TMEM178B: variants seen among roughly 807,000 people sequenced by gnomAD.
TMEM178B encodes the protein transmembrane protein 178B.
In TMEM178B, 5 loss-of-function variants were observed where a neutral mutation model predicts 31.0. The ratio of observed to expected loss-of-function variants is 0.16; its 90% CI spans 0.08 to 0.34. The LOEUF (loss-of-function observed/expected upper bound fraction) is 0.34, where lower values mean the gene tolerates loss of function less well. Ranked by LOEUF, TMEM178B falls within the 10% of genes least tolerant of loss-of-function variation. TMEM178B has a pLI of 1.00. For synonymous variants in TMEM178B, 164 were observed against 164.0 expected (o/e 1.00, Z 0.00); for missense variants, 275 against 400.3 (o/e 0.69, Z 2.67).
intron 1 of TMEM178B, among the ~76,000 whole-genome samples, chr7:141,148,940 T>C (rs1399083500): frequency 1.3e-5 from 2 of 152,188 alleles, no homozygotes; most frequent in Non-Finnish European, 2.9e-5. Flanking sequence ...AGGCCCTCAC[T>C]TGGGTGGTCC....
At chr7:141,397,414 C>T (rs1355996896) in intron 2 of TMEM178B, among the ~76,000 whole-genome samples, 1 of 152,158 alleles carries the variant, frequency 6.6e-6, no homozygotes, top group Non-Finnish European at 1.5e-5. Context: ...CAGACCTCTC[C>T]AGCAAGCCCT....
intron 2 of TMEM178B, among the ~76,000 whole-genome samples, chr7:141,317,732 A>G (rs1799031243): frequency 6.6e-6 from 1 of 152,212 alleles, no homozygotes; most frequent in Non-Finnish European, 1.5e-5. Flanking sequence ...TTTTATTCCA[A>G]GATATGATCC....
chr7:141,388,162 G>A (rs1800469074), intron 2 of TMEM178B, among the ~76,000 whole-genome samples: 3 of 152,196 alleles, frequency 2.0e-5, no homozygotes, highest in Non-Finnish European at 4.4e-5. Context: ...TCAGGTGGCT[G>A]TAAAGTTCCT....
chr7:141,470,953 GA>G lies in TMEM178B; in HGVS notation c.*170del. 3.9e-6 allele frequency: 1 copy of G among 258,102 alleles called. No homozygotes were observed. The highest frequency in any genetic ancestry group is 6.3e-6 in the Non-Finnish European group (1 of 159,176). The allele number at this position is 258,102 out of a possible 1,614,324, so 16.0% of individuals were successfully genotyped here. A position where few individuals can be genotyped will look rare whatever the true frequency, so the allele number is the denominator to read the frequency against. Reference sequence around the variant, plus strand: ...TGTGTTGCCTCATCTCTGAGATGGGGAAAGTTTTTCCATCCTGTGGCTCTTC... The same window carrying G: ...TGTGTTGCCTCATCTCTGAGATGGGGAAGTTTTTCCATCCTGTGGCTCTTC... On this transcript the variant is annotated 3_prime_UTR_variant, in exon 4 of 4. Transcript: ENST00000565468.
At chr7:141,229,098 G>GT (rs1797394985) in intron 2 of TMEM178B, among the ~76,000 whole-genome samples, 1 of 112,804 alleles carries the variant, frequency 8.9e-6, no homozygotes, top group South Asian at 2.6e-4. Flanking sequence ...ATGTGTGTGT[G>GT]TGGTGTGTGT....
intron 2 of TMEM178B, among the ~76,000 whole-genome samples, chr7:141,257,560 C>T (rs920156380): frequency 2.0e-5 from 3 of 152,134 alleles, no homozygotes; most frequent in African/African-American, 7.2e-5. Flanking sequence ...AGATCACAGA[C>T]TGCTTTCTAG....
chr7:141,283,824 C>A (rs1798402273), intron 2 of TMEM178B, among the ~76,000 whole-genome samples: 1 of 152,178 alleles, frequency 6.6e-6, no homozygotes. Flanking sequence ...ATTTCTAGTG[C>A]TAGATCCTCT....
chr7:141,219,571 T>C (rs1030108133), intron 2 of TMEM178B, among the ~76,000 whole-genome samples: 2 of 152,178 alleles, frequency 1.3e-5, no homozygotes, highest in Admixed American at 1.3e-4. Flanking sequence ...TCATCATAGG[T>C]TGCCTTGAGT....
At chr7:141,311,735 A>T (rs1043299701) in intron 2 of TMEM178B, among the ~76,000 whole-genome samples, 3 of 152,192 alleles carry the variant, frequency 2.0e-5, no homozygotes, top group Non-Finnish European at 4.4e-5. Flanking sequence ...TTTGTGTGTC[A>T]TCTGTCCGAG....
intron 1 of TMEM178B, among the ~76,000 whole-genome samples, chr7:141,110,963 A>G (rs1459147029): frequency 6.6e-6 from 1 of 152,230 alleles, no homozygotes; most frequent in Non-Finnish European, 1.5e-5. Context: ...ACCAGAAACC[A>G]AATGCTGCTG....
intron 2 of TMEM178B, among the ~76,000 whole-genome samples, chr7:141,377,727 A>C (rs1800243884): frequency 6.6e-6 from 1 of 152,168 alleles, no homozygotes; most frequent in South Asian, 2.1e-4. Flanking sequence ...AAACATATCA[A>C]AAATAAATTA....
At chr7:141,130,330 C>T (rs111664174) in intron 1 of TMEM178B, among the ~76,000 whole-genome samples, 4,072 of 152,182 alleles carry the variant, frequency 0.027, 190 homozygotes, top group African/African-American at 0.093. Context: ...TAAGAATTTA[C>T]GGTTTGTAGG....
intron 1 of TMEM178B, among the ~76,000 whole-genome samples, chr7:141,075,175 G>A (rs955471237): frequency 4.6e-5 from 7 of 152,106 alleles, no homozygotes; most frequent in African/African-American, 1.7e-4. Flanking sequence ...TACCAGATAT[G>A]GTGTAGGCAC....
At chr7:141,393,383 G>T (rs552384374) in intron 2 of TMEM178B, among the ~76,000 whole-genome samples, 1 of 152,108 alleles carries the variant, frequency 6.6e-6, no homozygotes, top group Non-Finnish European at 1.5e-5. Context: ...GCAAAATAAC[G>T]ACAGAATCCA....
chr7:141,496,559 A>G, the TMEM178B span, among the ~76,000 whole-genome samples: 36 of 141,292 alleles, frequency 2.5e-4, no homozygotes, highest in Admixed American at 1.2e-3. Flanking sequence ...AGTCCCAGCT[A>G]CTTGGGAGGC....
intron 3 of TMEM178B, among the ~76,000 whole-genome samples, chr7:141,466,349 T>G (rs1466609701): frequency 1.3e-5 from 2 of 152,198 alleles, no homozygotes; most frequent in East Asian, 3.9e-4. Context: ...ATGAAGAAGT[T>G]GAGTCATTTT....
chr7:141,469,729 A>G (rs760848970), intron 3 of TMEM178B, among the ~76,000 whole-genome samples: 48 of 152,234 alleles, frequency 3.2e-4, no homozygotes, highest in Non-Finnish European at 2.1e-4. Flanking sequence ...AAATGGGTTT[A>G]TAATTCTAAA....
the TMEM178B span, among the ~76,000 whole-genome samples, chr7:141,495,826 T>C: frequency 6.6e-6 from 1 of 152,198 alleles, no homozygotes; most frequent in Admixed American, 6.5e-5. Flanking sequence ...GTAAGTTTGA[T>C]CTTAGAGGAG....
intron 1 of TMEM178B, among the ~76,000 whole-genome samples, chr7:141,092,066 T>G (rs994528136): frequency 6.6e-6 from 1 of 151,990 alleles, no homozygotes; most frequent in Non-Finnish European, 1.5e-5. Flanking sequence ...TTCCAGGAGG[T>G]CTTGTGTCCA....
Sources: allele counts gnomAD v4.1 joint callset (sites outside exome capture counted in the v4.1 genomes callset), GRCh38; gene constraint gnomAD v4.1.1; transcripts MANE v1.5; gene names NCBI Gene and HGNC (gene_info 2026-07-23, HGNC 2026-07-21).